Variants in DRC11 observed in about 807,000 individuals in gnomAD.
The protein encoded by DRC11 is IQ and AAA domain-containing protein 1.
chr2:236,500,082 AGATGATGAT>A, the DRC11 span, among the ~76,000 whole-genome samples: 89 of 150,592 alleles, frequency 5.9e-4, no homozygotes, highest in East Asian at 2.1e-3. The surrounding 1 kb of genome is among the most constrained non-coding windows in gnomAD (Gnocchi z 6.3). Flanking sequence ...TTTTGGGTTC[AGATGATGAT>A]GATGATGATG....
At chr2:236,408,410 C>T in the DRC11 span, 10 of 741,164 alleles carry the variant, frequency 1.3e-5, no homozygotes, top group Non-Finnish European at 2.3e-5. The surrounding 1 kb of genome is among the most constrained non-coding windows in gnomAD (Gnocchi z 5.5). Context: ...CCCTTGGTCA[C>T]CTTGAAGACG....
the DRC11 span, chr2:236,408,682 TA>T: frequency 1.4e-6 from 1 of 721,554 alleles, no homozygotes; most frequent in Non-Finnish European, 2.6e-6. The surrounding 1 kb of genome is among the most constrained non-coding windows in gnomAD (Gnocchi z 5.5). Context: ...CAGTAATTGG[TA>T]AAGGCCTCCT....
chr2:236,459,149 TAAAGA>T, the DRC11 span, among the ~76,000 whole-genome samples: 1 of 151,984 alleles, frequency 6.6e-6, no homozygotes. Flanking sequence ...AGAGATCACT[TAAAGA>T]AAAGAAAAAA....
At chr2:236,368,611 C>T in the DRC11 span, 1 of 217,448 alleles carries the variant, frequency 4.6e-6, no homozygotes. Flanking sequence ...GGACAAAGTG[C>T]TAAAAAGAAG....
the DRC11 span, chr2:236,408,733 A>G: frequency 2.9e-6 from 2 of 697,520 alleles, no homozygotes; most frequent in Non-Finnish European, 5.3e-6. The surrounding 1 kb of genome is among the most constrained non-coding windows in gnomAD (Gnocchi z 5.5). Context: ...TGCTTTTTGC[A>G]CTCATCGCTG....
chr2:236,480,331 C>T, the DRC11 span, among the ~76,000 whole-genome samples: 37 of 152,046 alleles, frequency 2.4e-4, no homozygotes, highest in African/African-American at 7.7e-4. Context: ...AAGGCTTCTA[C>T]CCTTTCTCAA....
At chr2:236,318,763 T>C in the DRC11 span, among the ~76,000 whole-genome samples, 1 of 152,104 alleles carries the variant, frequency 6.6e-6, no homozygotes, top group East Asian at 1.9e-4. The surrounding 1 kb of genome is among the most constrained non-coding windows in gnomAD (Gnocchi z 7.0). Flanking sequence ...TGTGTATGTA[T>C]GTGTGCCGCC....
chr2:236,416,721 TTATATATATATA>T, the DRC11 span, among the ~76,000 whole-genome samples: 214 of 64,216 alleles, frequency 3.3e-3, 2 homozygotes, highest in Middle Eastern at 0.015. Context: ...ATATATATAT[TTATATATATATA>T]TATATATATA....
the DRC11 span, among the ~76,000 whole-genome samples, chr2:236,477,439 G>A: frequency 6.6e-6 from 1 of 152,184 alleles, no homozygotes. Flanking sequence ...TCTTCAAATT[G>A]AGTAGGCTAA....
At chr2:236,320,762 G>A in the DRC11 span, among the ~76,000 whole-genome samples, 1 of 152,112 alleles carries the variant, frequency 6.6e-6, no homozygotes, top group East Asian at 1.9e-4. Context: ...GTCACATAAT[G>A]GCCCAGGGCG....
At chr2:236,464,674 T>A in the DRC11 span, among the ~76,000 whole-genome samples, 12 of 152,248 alleles carry the variant, frequency 7.9e-5, no homozygotes, top group East Asian at 2.3e-3. Context: ...CCCCTCCAAA[T>A]CTCATGTTGA....
chr2:236,320,245 T>C, the DRC11 span, among the ~76,000 whole-genome samples: 1 of 152,202 alleles, frequency 6.6e-6, no homozygotes, highest in Non-Finnish European at 1.5e-5. Context: ...CCAGCTTGGT[T>C]TACAGCCCAC....
the DRC11 span, chr2:236,503,614 G>A: frequency 6.5e-7 from 1 of 1,547,788 alleles, no homozygotes; most frequent in Non-Finnish European, 8.7e-7. This position sits in a 1 kb window ranked among gnomAD's most constrained non-coding sequence, Gnocchi z 4.9. Flanking sequence ...AAAGCACACG[G>A]ATCCCTGCAT....
At chr2:236,438,531 G>A in the DRC11 span, among the ~76,000 whole-genome samples, 1 of 151,454 alleles carries the variant, frequency 6.6e-6, no homozygotes, top group Non-Finnish European at 1.5e-5. Context: ...AATTACTTTG[G>A]GCAGTATGGC....
chr2:236,367,664 A>G, the DRC11 span: 1 of 157,800 alleles, frequency 6.3e-6, no homozygotes, highest in Non-Finnish European at 1.4e-5. The surrounding 1 kb of genome is among the most constrained non-coding windows in gnomAD (Gnocchi z 4.8). Flanking sequence ...TCTTTCCTGC[A>G]TCGCCTGCAC....
chr2:236,362,876 G>C, the DRC11 span, among the ~76,000 whole-genome samples: 1 of 152,192 alleles, frequency 6.6e-6, no homozygotes, highest in Non-Finnish European at 1.5e-5. This position sits in a 1 kb window ranked among gnomAD's most constrained non-coding sequence, Gnocchi z 5.7. Context: ...GAGGGACCAC[G>C]TGGCTAAGGG....
the DRC11 span, among the ~76,000 whole-genome samples, chr2:236,481,215 TA>T: frequency 6.6e-6 from 1 of 152,212 alleles, no homozygotes; most frequent in African/African-American, 2.4e-5. Flanking sequence ...CTGGCTGCCC[TA>T]AAAGGTTTTT....
chr2:236,507,360 G>A, the DRC11 span: 808 of 1,339,514 alleles, frequency 6.0e-4, 6 homozygotes, highest in East Asian at 0.015. Flanking sequence ...GCACTACCAG[G>A]AGCTACAGAG....
chr2:236,435,348 G>A, the DRC11 span, among the ~76,000 whole-genome samples: 1 of 152,262 alleles, frequency 6.6e-6, no homozygotes, highest in African/African-American at 2.4e-5. Flanking sequence ...GCCGGCTCTG[G>A]CCGGCCGCCT....
Sources: allele counts gnomAD v4.1 joint callset (sites outside exome capture counted in the v4.1 genomes callset), GRCh38; gene constraint gnomAD v4.1.1; non-coding constraint Gnocchi (gnomAD v3.1); transcripts MANE v1.5; gene names NCBI Gene and HGNC (gene_info 2026-07-23, HGNC 2026-07-21).